Variants in GSDME observed in about 807,000 individuals in gnomAD.
The protein encoded by GSDME is gasdermin E.
Under a neutral mutation model 47.5 loss-of-function variants are expected in GSDME, and 44 were observed. That is an observed-to-expected ratio of 0.93 (90% CI 0.73 to 1.19). GSDME has a LOEUF of 1.19. Among genes scored for constraint, GSDME ranks in the 50% most tolerant of loss-of-function variants. The pLI is 0.00. For synonymous variants in GSDME, 258 were observed against 252.8 expected, an observed-to-expected ratio of 1.02 and a Z score of -0.20; for missense variants, 663 against 604.2, an observed-to-expected ratio of 1.10 and a Z score of -1.02.
At chr7:24,767,861 C>T in the GSDME span, among the ~76,000 whole-genome samples, 6 of 152,220 alleles carry the variant, frequency 3.9e-5, no homozygotes, top group African/African-American at 9.6e-5. The surrounding 1 kb of genome is among the most constrained non-coding windows in gnomAD (Gnocchi z 5.3). Context: ...TGATGGCTTT[C>T]GGGCATGTTT....
the GSDME span, among the ~76,000 whole-genome samples, chr7:24,783,792 G>T: frequency 6.6e-6 from 1 of 152,012 alleles, no homozygotes; most frequent in Non-Finnish European, 1.5e-5. Flanking sequence ...AGGGAGGGGA[G>T]GAGTCTAGAA....
chr7:24,758,144 G>A (rs1172298588), upstream of GSDME: 2 of 152,222 alleles, frequency 1.3e-5, no homozygotes, highest in African/African-American at 4.8e-5. This position sits in a 1 kb window ranked among gnomAD's most constrained non-coding sequence, Gnocchi z 4.6. Context: ...AGCTCTTTTT[G>A]TAACATTAGG....
Position 24,706,027 on chromosome 7 carries a change from C to T in GSDME, c.1183+157G>A, listed in dbSNP as rs141163328. The T allele has an allele frequency of 2.1e-3, 1,949 of 910,398 alleles. 6 individuals carry two copies. The highest frequency in any genetic ancestry group is 3.0e-3 in the Non-Finnish European group (1,760 of 581,648). The allele number at this position is 910,398 out of a possible 1,614,324, so 56.4% of individuals were successfully genotyped here. On this transcript the variant is annotated intron_variant, in intron 8 of 9. Transcript: ENST00000645220. ...TCGAGACCGAAGGGGGGTTTCCCAT[C>T]AGCCTCCCACCTCTTACCCTCCCTG...
At chr7:24,707,849 A>G (rs1562689008) in intron 7 of GSDME, 3 of 571,018 alleles carry the variant, frequency 5.3e-6, no homozygotes, top group Non-Finnish European at 3.1e-6. Flanking sequence ...GCAGACACCT[A>G]GACTTTGGAC....
the GSDME span, among the ~76,000 whole-genome samples, chr7:24,782,129 CAT>C: frequency 9.2e-3 from 1,402 of 152,072 alleles, 28 homozygotes; most frequent in African/African-American, 0.031. Context: ...AGGTTTGTTA[CAT>C]ATGTTTACAT....
At chr7:24,700,175 C>T (rs929845481) in intron 9 of GSDME, among the ~76,000 whole-genome samples, 2 of 152,060 alleles carry the variant, frequency 1.3e-5, no homozygotes, top group African/African-American at 4.8e-5. Flanking sequence ...GTTTAGTCAC[C>T]TTCCCTTATT....
the GSDME span, among the ~76,000 whole-genome samples, chr7:24,766,904 A>G: frequency 6.6e-6 from 1 of 152,184 alleles, no homozygotes; most frequent in East Asian, 1.9e-4. This position sits in a 1 kb window ranked among gnomAD's most constrained non-coding sequence, Gnocchi z 4.2. Flanking sequence ...GGTTGACCTA[A>G]TTTACACTCC....
At chr7:24,751,031 T>G (rs146094428) in intron 1 of GSDME, among the ~76,000 whole-genome samples, 1 of 151,826 alleles carries the variant, frequency 6.6e-6, no homozygotes. Context: ...CTAGAAAAAA[T>G]AGAGAAATAT....
chr7:24,743,524 T>A (rs1790552975), intron 3 of GSDME, among the ~76,000 whole-genome samples: 6 of 152,190 alleles, frequency 3.9e-5, no homozygotes. Flanking sequence ...ATGATCCTTC[T>A]AAAAAATACA....
chr7:24,719,075 A>G lies in GSDME; in HGVS notation c.548T>C (p.Ile183Thr), dbSNP rs1789676256. The change falls in exon 4 of 10, where the codon ATC (isoleucine) becomes ACC (threonine). Residue 183 changes from isoleucine to threonine, a missense_variant. By Grantham distance (89) the Ile-to-Thr change is moderately conservative. Transcript: ENST00000645220. ...CACCGTCTTGGTCTGGATGCCCACGATGCCACCACACTTCTCCTCGACCTG... is the reference window on the plus strand; with the variant it reads ...CACCGTCTTGGTCTGGATGCCCACGGTGCCACCACACTTCTCCTCGACCTG... ...HMQVEEKCGGIVGIQTKTVQV... is the reference protein window; with the variant it reads ...HMQVEEKCGGTVGIQTKTVQV... The G allele has an allele frequency of 6.2e-7, 1 of 1,613,192 alleles. No homozygotes were observed. The highest frequency in any genetic ancestry group is 1.1e-5 in the South Asian group (1 of 91,040).
chr7:24,789,095 T>C, the GSDME span, among the ~76,000 whole-genome samples: 80 of 152,302 alleles, frequency 5.3e-4, no homozygotes, highest in African/African-American at 1.8e-3. Context: ...TATAGTGCAT[T>C]GTGTAACACC....
At chr7:24,741,983 G>C (rs1177156539) in intron 3 of GSDME, among the ~76,000 whole-genome samples, 2 of 152,054 alleles carry the variant, frequency 1.3e-5, no homozygotes, top group African/African-American at 4.8e-5. Flanking sequence ...TCTAGTCCTT[G>C]TATTTATTCT....
rs1790957162 is a variant in GSDME at position 24,754,528 on chromosome 7, C to T, written c.-20+2868G>A. Among the ~76,000 whole-genome samples the T allele has an allele frequency of 6.6e-6, 1 of 151,354 alleles. No homozygotes were observed. Among genetic ancestry groups the T allele is most frequent in the Non-Finnish European group, 1.5e-5 (1 of 67,920 alleles). ...GTTGTATTAGCAAACAGTCCTTAGT[C>T]TGGCTTCCCAGCTGAAAGCAGATGA... On this transcript the variant is annotated intron_variant, in intron 1 of 9. Coordinates refer to ENST00000645220, the MANE Select transcript of GSDME (RefSeq NM_001127453.2). This position sits in a 1 kb window ranked among gnomAD's most constrained non-coding sequence, Gnocchi z 5.0.
chr7:24,759,395 CT>C (rs202130248), upstream of GSDME, among the ~76,000 whole-genome samples: 36 of 148,648 alleles, frequency 2.4e-4, no homozygotes, highest in Middle Eastern at 3.4e-3. Flanking sequence ...AATTCTGTCA[CT>C]TTTTTTTTTG....
At chr7:24,699,780 A>AAAC (rs1466022024) in intron 9 of GSDME, among the ~76,000 whole-genome samples, 1 of 152,222 alleles carries the variant, frequency 6.6e-6, no homozygotes, top group Admixed American at 6.5e-5. Context: ...CCTACTCTCC[A>AAAC]AACTCTTTCT....
At chr7:24,786,720 T>C in the GSDME span, among the ~76,000 whole-genome samples, 3 of 152,220 alleles carry the variant, frequency 2.0e-5, no homozygotes, top group African/African-American at 7.2e-5. This position sits in a 1 kb window ranked among gnomAD's most constrained non-coding sequence, Gnocchi z 5.5. Context: ...TGAAAAAGTT[T>C]TGGAGGTGGA....
At chr7:24,719,284 C>G (rs1415426906) in intron 3 of GSDME, 66 bp from the exon 4 acceptor site, 2 of 1,538,632 alleles carry the variant, frequency 1.3e-6, no homozygotes. Flanking sequence ...TGTGAATTTC[C>G]TCTTGCACAG....
chr7:24,718,523 G>A (rs1042779961), intron 4 of GSDME, among the ~76,000 whole-genome samples: 30 of 152,220 alleles, frequency 2.0e-4, no homozygotes, highest in African/African-American at 6.8e-4. Context: ...CCCCAGCTCT[G>A]AGAGGCTCTA....
the GSDME span, among the ~76,000 whole-genome samples, chr7:24,766,313 T>C: frequency 1.3e-5 from 2 of 151,956 alleles, no homozygotes; most frequent in East Asian, 3.9e-4. The surrounding 1 kb of genome is among the most constrained non-coding windows in gnomAD (Gnocchi z 4.2). Flanking sequence ...TTTATTTATT[T>C]ATTCATTATA....
Sources: gnomAD v4.1 joint callset for allele counts (sites outside exome capture counted in the v4.1 genomes callset) on GRCh38, gnomAD v4.1.1 for gene constraint, Gnocchi (gnomAD v3.1) non-coding constraint, MANE v1.5 for transcripts, NCBI Gene and HGNC (gene_info 2026-07-23, HGNC 2026-07-21) for gene names.